The following ATP8A2 variants were observed in gnomAD, a reference collection of about 807,000 sequenced individuals.
ATP8A2 encodes the protein ATPase phospholipid transporting 8A2, also known as phospholipid-transporting ATPase IB.
A neutral mutation model predicts 165.6 loss-of-function variants in ATP8A2; 100 were observed. That is an observed-to-expected ratio of 0.60 (90% CI 0.51 to 0.71). ATP8A2 has a LOEUF of 0.71. ATP8A2 is among the 30% of genes least tolerant of loss of function. ATP8A2 has a pLI of 0.00. For missense variants in ATP8A2, 1,227 were observed against 1,479.5 expected, an observed-to-expected ratio of 0.83 and a Z score of 2.80; for synonymous variants, 543 against 548.8, an observed-to-expected ratio of 0.99 and a Z score of 0.15.
intron 24 of ATP8A2, among the ~76,000 whole-genome samples, chr13:25,637,503 A>G (rs142137023): frequency 0.03 from 4,590 of 152,260 alleles, 122 homozygotes; most frequent in East Asian, 0.13. Context: ...ACAGAGCCTC[A>G]CTCATTGCTA....
Position 25,652,915 on chromosome 13 carries a change from G to A in ATP8A2, c.2212-46258G>A, listed in dbSNP as rs538947919. Among the ~76,000 whole-genome samples, 4 of 152,218 alleles carry A rather than the reference G, an allele frequency of 2.6e-5. No individual in the cohort carries two copies. In the South Asian group the frequency reaches 8.3e-4, roughly 32 times the overall value. ...CCACCTGTACCTAATGATTTCTTAA[G>A]CTTTAGATTTCTGCTGAATCATCCC... On this transcript the variant is annotated intron_variant, in intron 24 of 36. Coordinates refer to ENST00000381655, the MANE Select transcript of ATP8A2 (RefSeq NM_016529.6).
chr13:25,827,745 G>A (rs531921045), intron 27 of ATP8A2, among the ~76,000 whole-genome samples: 5 of 152,206 alleles, frequency 3.3e-5, no homozygotes, highest in East Asian at 3.9e-4. Flanking sequence ...TTGAAAGTCC[G>A]GCAAAGACAC....
At chr13:25,759,053 G>A (rs2044324878) in intron 25 of ATP8A2, among the ~76,000 whole-genome samples, 1 of 152,164 alleles carries the variant, frequency 6.6e-6, no homozygotes, top group African/African-American at 2.4e-5. Context: ...GAAAGAGGAA[G>A]AGAGAAGTAT....
chr13:25,406,418 TC>T (rs1216440803), intron 1 of ATP8A2, among the ~76,000 whole-genome samples: 1 of 152,194 alleles, frequency 6.6e-6, no homozygotes, highest in Non-Finnish European at 1.5e-5. Flanking sequence ...AAACTGGAAA[TC>T]TTAGAGGCCT....
chr13:25,709,926 G>A (rs756263324), intron 25 of ATP8A2, among the ~76,000 whole-genome samples: 7 of 152,076 alleles, frequency 4.6e-5, no homozygotes, highest in African/African-American at 7.2e-5. Flanking sequence ...AATAAAGTAG[G>A]ATCTTTCTGT....
chr13:26,003,901 T>C (rs973273210), intron 35 of ATP8A2, among the ~76,000 whole-genome samples: 1 of 152,048 alleles, frequency 6.6e-6, no homozygotes, highest in African/African-American at 2.4e-5. Context: ...GCCAGTACCA[T>C]GCCATTTTAT....
intron 24 of ATP8A2, among the ~76,000 whole-genome samples, chr13:25,601,974 T>G (rs1446392452): frequency 6.6e-6 from 1 of 152,176 alleles, no homozygotes; most frequent in Non-Finnish European, 1.5e-5. Flanking sequence ...TTTTTCAAGG[T>G]TATTGCTAAA....
At chr13:25,397,503 C>T (rs190721636) in intron 1 of ATP8A2, among the ~76,000 whole-genome samples, 1 of 152,228 alleles carries the variant, frequency 6.6e-6, no homozygotes, top group Admixed American at 6.5e-5. Flanking sequence ...ACTCAGTGCA[C>T]AGTCACACTC....
chr13:25,658,799 G>A (rs892342929), intron 24 of ATP8A2, among the ~76,000 whole-genome samples: 13 of 152,050 alleles, frequency 8.5e-5, no homozygotes, highest in African/African-American at 2.7e-4. Flanking sequence ...CATCTAACAA[G>A]AGCCCAAATT....
At chr13:25,638,565 T>G (rs1471480087) in intron 24 of ATP8A2, among the ~76,000 whole-genome samples, 2 of 151,740 alleles carry the variant, frequency 1.3e-5, no homozygotes, top group Non-Finnish European at 2.9e-5. Context: ...GAAAGATGAG[T>G]AAAAAGAAAC....
chr13:25,827,571 A>G (rs1951353239), intron 27 of ATP8A2, among the ~76,000 whole-genome samples: 1 of 152,198 alleles, frequency 6.6e-6, no homozygotes, highest in Non-Finnish European at 1.5e-5. Flanking sequence ...TACATCTCTC[A>G]TTACTTCAAA....
At chr13:25,468,779 CGGGGGCGGGGCCGGCCTTGGCTGCCGCG>C in intron 1 of ATP8A2, 170 bp from the exon 2 acceptor site, 1 of 956,370 alleles carries the variant, frequency 1.0e-6, no homozygotes, top group Non-Finnish European at 1.2e-6. Flanking sequence ...TGGGCGGGGC[CGGGGGCGGGGCCGGCCTTGGCTGCCGCG>C]GCACAGGCGG....
intron 3 of ATP8A2, among the ~76,000 whole-genome samples, 161 bp from the exon 4 acceptor site, chr13:25,530,401 T>C (rs1393761751): frequency 1.3e-5 from 2 of 152,208 alleles, no homozygotes; most frequent in Non-Finnish European, 2.9e-5. Flanking sequence ...TAAAAATATG[T>C]AAAATACGTA....
intron 24 of ATP8A2, among the ~76,000 whole-genome samples, chr13:25,675,414 G>A (rs767433344): frequency 6.6e-6 from 1 of 152,214 alleles, no homozygotes; most frequent in Non-Finnish European, 1.5e-5. Flanking sequence ...AGGAGTTGTA[G>A]AACAGGGCAG....
intron 33 of ATP8A2, among the ~76,000 whole-genome samples, chr13:25,955,284 C>A (rs1955492465): frequency 1.3e-5 from 2 of 152,022 alleles, no homozygotes; most frequent in Non-Finnish European, 2.9e-5. Flanking sequence ...CAGAGCAGAA[C>A]TGAAGGAAAT....
intron 33 of ATP8A2, among the ~76,000 whole-genome samples, chr13:25,924,225 C>T (rs1333866064): frequency 6.6e-6 from 1 of 152,192 alleles, no homozygotes; most frequent in Non-Finnish European, 1.5e-5. Context: ...TATCTGGATT[C>T]ATTTCCTAGG....
chr13:25,681,325 G>T (rs1306651371), intron 24 of ATP8A2, among the ~76,000 whole-genome samples: 1 of 152,214 alleles, frequency 6.6e-6, no homozygotes, highest in Non-Finnish European at 1.5e-5. Context: ...ATTGGAAAGT[G>T]ATTTTGGGAT....
At chr13:25,609,537 A>ATTCAAATATATATATATATATTTGGG (rs2040607889) in intron 24 of ATP8A2, among the ~76,000 whole-genome samples, 1 of 115,802 alleles carries the variant, frequency 8.6e-6, no homozygotes, top group African/African-American at 2.8e-5. Context: ...TATATTTGGG[A>ATTCAAATATATATATATATATTTGGG]TTCAAATATA....
At chr13:25,481,305 T>C (rs918383732) in intron 2 of ATP8A2, among the ~76,000 whole-genome samples, 2 of 152,168 alleles carry the variant, frequency 1.3e-5, no homozygotes, top group Non-Finnish European at 2.9e-5. Flanking sequence ...CAGACTGCAT[T>C]TCCCAGTTTC....
Sources: gnomAD v4.1 joint callset for allele counts (sites outside exome capture counted in the v4.1 genomes callset) on GRCh38, gnomAD v4.1.1 for gene constraint, MANE v1.5 for transcripts, NCBI Gene and HGNC (gene_info 2026-07-23, HGNC 2026-07-21) for gene names.